BAZ2B: variants seen among roughly 807,000 people sequenced by gnomAD.
BAZ2B encodes bromodomain adjacent to zinc finger domain 2B, also known as bromodomain adjacent to zinc finger domain protein 2B.
Under a neutral mutation model 246.0 loss-of-function variants are expected in BAZ2B, and 91 were observed. That is an observed-to-expected ratio of 0.37 (90% CI 0.31 to 0.44). The LOEUF (loss-of-function observed/expected upper bound fraction) is 0.44, where lower values mean the gene tolerates loss of function less well. Among genes scored for constraint, BAZ2B ranks in the 20% least tolerant of loss-of-function variants. The pLI is 1.00. For missense variants in BAZ2B, 2,332 were observed against 2,533.7 expected (o/e 0.92, Z 1.71); for synonymous variants, 855 against 860.0 (o/e 0.99, Z 0.10).
chr2:159,526,360 T>C (rs2084735726), intron 2 of BAZ2B, among the ~76,000 whole-genome samples: 1 of 152,116 alleles, frequency 6.6e-6, no homozygotes, highest in South Asian at 2.1e-4. Context: ...TAATTCTAGA[T>C]ATCTCACCCA....
At chr2:159,424,324 T>G (rs1342250298) in intron 13 of BAZ2B, among the ~76,000 whole-genome samples, 1 of 152,152 alleles carries the variant, frequency 6.6e-6, no homozygotes, top group African/African-American at 2.4e-5. Flanking sequence ...TGTTTTCAAT[T>G]AGCTTTTTTA....
chr2:159,665,883 T>G, the BAZ2B span, among the ~76,000 whole-genome samples: 1 of 152,264 alleles, frequency 6.6e-6, no homozygotes, highest in African/African-American at 2.4e-5. Flanking sequence ...GCATCCCATA[T>G]GGACATCTTT....
chr2:159,557,141 CT>C (rs35808640), intron 1 of BAZ2B, among the ~76,000 whole-genome samples: 29 of 132,254 alleles, frequency 2.2e-4, no homozygotes, highest in East Asian at 6.5e-4. Flanking sequence ...TACTTCTATT[CT>C]TTTTTTTTTT....
the BAZ2B span, among the ~76,000 whole-genome samples, chr2:159,678,580 T>C: frequency 6.6e-6 from 1 of 152,170 alleles, no homozygotes; most frequent in Non-Finnish European, 1.5e-5. Flanking sequence ...TAGGTAGGAC[T>C]GCTTGAGTCC....
chr2:159,496,166 A>G (rs1243570454), intron 2 of BAZ2B, among the ~76,000 whole-genome samples: 6 of 148,334 alleles, frequency 4.0e-5, no homozygotes, highest in Non-Finnish European at 7.5e-5. Context: ...ACGAGGTCAG[A>G]AGATCGAGAC....
the BAZ2B span, among the ~76,000 whole-genome samples, chr2:159,662,648 C>T: frequency 2.0e-5 from 3 of 152,128 alleles, no homozygotes; most frequent in Non-Finnish European, 2.9e-5. Context: ...CCTCAGCCTC[C>T]CGAGTAGCTG....
rs570927133 is a variant in BAZ2B, at chr2:159,406,121, A to AGAT, written c.2678-1008_2678-1007insATC. 4.8e-4 allele frequency among the ~76,000 whole-genome samples: 73 copies of AGAT among 152,346 alleles called. No homozygotes were observed. In the East Asian group the frequency reaches 0.013, roughly 28 times the overall value. ...ATGTGACTTTGGAGCAATTCCCATC[A>AGAT]AGAGGTGGAATATATTTTCCCGTCC... On this transcript the variant is annotated intron_variant, in intron 14 of 36. Transcript: ENST00000392783.
At chr2:159,602,745 G>A (rs1197296440) in intron 1 of BAZ2B, among the ~76,000 whole-genome samples, 1 of 152,082 alleles carries the variant, frequency 6.6e-6, no homozygotes, top group Non-Finnish European at 1.5e-5. Context: ...CATATTCTTT[G>A]ACCCAGCAAT....
chr2:159,590,687 G>C (rs1032114136), intron 1 of BAZ2B, among the ~76,000 whole-genome samples: 4 of 152,096 alleles, frequency 2.6e-5, no homozygotes, highest in African/African-American at 9.7e-5. Context: ...CTTTAACTCA[G>C]GGTCCTAAAG....
intron 26 of BAZ2B, among the ~76,000 whole-genome samples, 195 bp downstream of exon 26, chr2:159,374,496 A>G (rs182031627): frequency 6.6e-6 from 1 of 152,312 alleles, no homozygotes; most frequent in Non-Finnish European, 1.5e-5. Flanking sequence ...TAAGCTTGTA[A>G]AGTTCAATTG....
intron 1 of BAZ2B, among the ~76,000 whole-genome samples, chr2:159,581,141 T>C (rs1056783518): frequency 3.3e-5 from 5 of 151,754 alleles, no homozygotes; most frequent in African/African-American, 1.2e-4. Context: ...ACCTACAGAA[T>C]GGGAGAAAAT....
the BAZ2B span, among the ~76,000 whole-genome samples, chr2:159,652,368 C>G: frequency 2.0e-5 from 3 of 152,048 alleles, no homozygotes; most frequent in Admixed American, 1.3e-4. Flanking sequence ...TGCCACAACA[C>G]CTGGCTAATT....
At chr2:159,676,144 C>T in the BAZ2B span, among the ~76,000 whole-genome samples, 5 of 152,240 alleles carry the variant, frequency 3.3e-5, no homozygotes, top group South Asian at 4.2e-4. Flanking sequence ...CCACCTGCCT[C>T]GGCCTCCCAA....
At chr2:159,403,797 T>C (rs2065475904) in intron 16 of BAZ2B, among the ~76,000 whole-genome samples, 2 of 152,160 alleles carry the variant, frequency 1.3e-5, no homozygotes, top group Non-Finnish European at 2.9e-5. Flanking sequence ...GCACTTTATG[T>C]TCATTATCTC....
intron 1 of BAZ2B, among the ~76,000 whole-genome samples, chr2:159,611,564 T>C (rs1295374848): frequency 6.6e-6 from 1 of 151,964 alleles, no homozygotes; most frequent in Non-Finnish European, 1.5e-5. Flanking sequence ...CTGGAATCAA[T>C]GGCATAAGTG....
At chr2:159,391,170 T>C (rs911800234) in intron 20 of BAZ2B, among the ~76,000 whole-genome samples, 2 of 152,276 alleles carry the variant, frequency 1.3e-5, no homozygotes, top group South Asian at 4.1e-4. Flanking sequence ...GCATCACTAA[T>C]AGAAAAAAGC....
the BAZ2B span, among the ~76,000 whole-genome samples, chr2:159,701,891 G>A: frequency 1.3e-3 from 192 of 151,928 alleles, 1 homozygote; most frequent in African/African-American, 4.4e-3. Flanking sequence ...ACCACACCCA[G>A]CTAATTTTTG....
intron 23 of BAZ2B, 21 bp from the exon 24 acceptor site, chr2:159,383,701 TA>T: frequency 2.5e-6 from 4 of 1,587,150 alleles, no homozygotes; most frequent in South Asian, 1.1e-5. Context: ...AAGAATTTAT[TA>T]AAAAGTGTAA....
intron 27 of BAZ2B, among the ~76,000 whole-genome samples, chr2:159,365,031 C>T (rs919916166): frequency 6.6e-6 from 1 of 152,184 alleles, no homozygotes; most frequent in African/African-American, 2.4e-5. Context: ...GAATGGTATA[C>T]ACCTTTGGGG....
Sources: allele counts gnomAD v4.1 joint callset (sites outside exome capture counted in the v4.1 genomes callset), GRCh38; gene constraint gnomAD v4.1.1; transcripts MANE v1.5; gene names NCBI Gene and HGNC (gene_info 2026-07-23, HGNC 2026-07-21).